PARD3B: variants seen among roughly 807,000 people sequenced by gnomAD.
The protein encoded by PARD3B is partitioning defective 3 homolog B.
In PARD3B, 103 loss-of-function variants were observed where a neutral mutation model predicts 130.2. The ratio of observed to expected loss-of-function variants is 0.79; its 90% CI spans 0.67 to 0.93. PARD3B has a LOEUF of 0.93. PARD3B is among the 40% of genes least tolerant of loss of function. The pLI, the probability that PARD3B is intolerant of heterozygous loss-of-function variation, is 0.00. For missense variants in PARD3B, 1,609 were observed against 1,499.2 expected, an observed-to-expected ratio of 1.07 and a Z score of -1.21; for synonymous variants, 583 against 553.2, an observed-to-expected ratio of 1.05 and a Z score of -0.76.
At position 205,106,481 on chromosome 2, in the gene PARD3B, ATGTGTGTGTGTGTGTGTGTG is replaced by A. The variant is rs202186761; in HGVS notation, c.593+1997_593+2016del. Among the ~76,000 whole-genome samples the A allele has an allele frequency of 3.9e-4, 58 of 147,026 alleles. No individual in the cohort carries two copies. In the East Asian group the frequency reaches 5.8e-3, roughly 15 times the overall value. ...TATATATTCTTTAGTTAAGAAATGT[ATGTGTGTGTGTGTGTGTGTG>A]TGTGTGTGTGTGTGTGTGTGTGTGT... On this transcript the variant is annotated intron_variant, in intron 5 of 22. Transcript: ENST00000406610.
At chr2:205,054,910 C>G (rs573867556) in intron 4 of PARD3B, among the ~76,000 whole-genome samples, 2 of 152,062 alleles carry the variant, frequency 1.3e-5, no homozygotes, top group African/African-American at 4.8e-5. Context: ...TTCCCTTTAG[C>G]CTGCACTTTG....
At chr2:205,131,246 C>A (rs1560883) in intron 10 of PARD3B, among the ~76,000 whole-genome samples, 6,559 of 152,200 alleles carry the variant, frequency 0.043, 309 homozygotes, top group African/African-American at 0.12. Context: ...AATGATTTTT[C>A]TACCTAAACT....
chr2:205,128,430 A>G lies in PARD3B; in HGVS notation c.1434+2693A>G, dbSNP rs2031673006. 6.6e-6 allele frequency among the ~76,000 whole-genome samples: 1 copy of G among 152,190 alleles called. No individual in the cohort carries two copies. The highest frequency in any genetic ancestry group is 1.5e-5 in the Non-Finnish European group (1 of 68,034). On this transcript the variant is annotated intron_variant, in intron 10 of 22. Coordinates refer to ENST00000406610, the MANE Select transcript of PARD3B (RefSeq NM_001302769.2). The surrounding 1 kb of genome is among the most constrained non-coding windows in gnomAD (Gnocchi z 4.5). ...TCTGAATTCATTCCTCATCAAAGGC[A>G]ATTATATCTGGAAGTTAGCAACTGG...
At chr2:205,174,243 C>T (rs1029340663) in intron 12 of PARD3B, among the ~76,000 whole-genome samples, 2 of 152,072 alleles carry the variant, frequency 1.3e-5, no homozygotes, top group African/African-American at 2.4e-5. Context: ...ATTTGTTGCC[C>T]GCCATCAGAA....
intron 16 of PARD3B, among the ~76,000 whole-genome samples, chr2:205,260,331 G>A (rs1013723131): frequency 6.6e-6 from 1 of 152,118 alleles, no homozygotes; most frequent in African/African-American, 2.4e-5. Flanking sequence ...TGCTCAAAAA[G>A]TTCTGGATTT....
At chr2:205,519,340 G>C (rs921352384) in intron 21 of PARD3B, among the ~76,000 whole-genome samples, 1 of 152,284 alleles carries the variant, frequency 6.6e-6, no homozygotes, top group South Asian at 2.1e-4. Context: ...CAAGCTCTGA[G>C]ATTCTTTCCT....
At position 205,078,577 on chromosome 2, in the gene PARD3B, T is replaced by A. The variant is rs139270277; in HGVS notation, c.505-25849T>A. On this transcript the variant is annotated intron_variant, in intron 4 of 22. Coordinates refer to ENST00000406610, the MANE Select transcript of PARD3B (RefSeq NM_001302769.2). This position sits in a 1 kb window ranked among gnomAD's most constrained non-coding sequence, Gnocchi z 4.0. ...TTTGCTTAAATTCATGTAATTTTTT[T>A]AATCCATAGGGTAAGTGTGGAGATT... Among the ~76,000 whole-genome samples the A allele has an allele frequency of 2.0e-3, 299 of 152,358 alleles. 1 individual carries two copies. The highest frequency in any genetic ancestry group is 5.2e-3 in the Admixed American group (80 of 15,306).
intron 2 of PARD3B, among the ~76,000 whole-genome samples, chr2:204,950,683 C>T (rs1370007367): frequency 6.6e-6 from 1 of 152,194 alleles, no homozygotes; most frequent in East Asian, 1.9e-4. Flanking sequence ...CAAGACATCT[C>T]TGCATTTACC....
intron 22 of PARD3B, among the ~76,000 whole-genome samples, chr2:205,605,091 T>C (rs763292025): frequency 6.6e-6 from 1 of 152,232 alleles, no homozygotes; most frequent in Non-Finnish European, 1.5e-5. Flanking sequence ...CTGGTTATTC[T>C]GGTTAACAGC....
At chr2:204,828,953 C>T (rs1488176246) in intron 2 of PARD3B, among the ~76,000 whole-genome samples, 1 of 152,172 alleles carries the variant, frequency 6.6e-6, no homozygotes, top group African/African-American at 2.4e-5. Flanking sequence ...AGGGCCTGTG[C>T]ATTCCAGCCT....
chr2:205,216,769 T>C (rs569007877), intron 15 of PARD3B, among the ~76,000 whole-genome samples: 1 of 152,280 alleles, frequency 6.6e-6, no homozygotes, highest in South Asian at 2.1e-4. Flanking sequence ...AAAATAGCAT[T>C]AGCTACGAGC....
In PARD3B at chr2:205,269,666, C is replaced by A. The variant is rs1003768096; in HGVS notation, c.2185+23844C>A. ...TAATTTCCCACTGAACTGGAATAGTCATTTTAGCTGTCAGAAATATTTCTT... is the reference window on the plus strand; with the variant it reads ...TAATTTCCCACTGAACTGGAATAGTAATTTTAGCTGTCAGAAATATTTCTT... On this transcript the variant is annotated intron_variant, in intron 16 of 22. Transcript: ENST00000406610. This position sits in a 1 kb window ranked among gnomAD's most constrained non-coding sequence, Gnocchi z 4.7. Among the ~76,000 whole-genome samples, 1 of 152,158 alleles carries A rather than the reference C, an allele frequency of 6.6e-6. No individual in the cohort carries two copies. Among genetic ancestry groups the A allele is most frequent in the Admixed American group, 6.6e-5 (1 of 15,262 alleles).
At chr2:204,935,927 C>T (rs1688419054) in intron 2 of PARD3B, among the ~76,000 whole-genome samples, 1 of 152,080 alleles carries the variant, frequency 6.6e-6, no homozygotes, top group Non-Finnish European at 1.5e-5. Context: ...AGAAAGCCCA[C>T]CTAAAAACAA....
intron 21 of PARD3B, among the ~76,000 whole-genome samples, chr2:205,511,214 C>T (rs999651132): frequency 7.9e-5 from 12 of 152,290 alleles, no homozygotes; most frequent in South Asian, 4.1e-4. Flanking sequence ...TATCAGTCCT[C>T]TTTCAAAGTC....
At chr2:205,383,955 A>T (rs1023218091) in intron 18 of PARD3B, among the ~76,000 whole-genome samples, 1 of 152,066 alleles carries the variant, frequency 6.6e-6, no homozygotes, top group African/African-American at 2.4e-5. Flanking sequence ...GTTTATATTT[A>T]TAAAATTGCC....
At chr2:204,573,657 T>C (rs2032113756) in intron 1 of PARD3B, among the ~76,000 whole-genome samples, 1 of 152,210 alleles carries the variant, frequency 6.6e-6, no homozygotes, top group Admixed American at 6.5e-5. Flanking sequence ...TTTCTCCTCG[T>C]TGTGATTGGT....
intron 21 of PARD3B, among the ~76,000 whole-genome samples, chr2:205,540,484 G>T (rs1247357549): frequency 6.6e-6 from 1 of 151,984 alleles, no homozygotes; most frequent in African/African-American, 2.4e-5. Flanking sequence ...AATTCATATG[G>T]TTCAATGCTA....
chr2:205,308,755 C>A (rs973792545), intron 18 of PARD3B, among the ~76,000 whole-genome samples: 1 of 152,088 alleles, frequency 6.6e-6, no homozygotes. Flanking sequence ...CCCATCAGCT[C>A]GAGGGAATCA....
At chr2:204,746,654 C>G (rs1218580583) in intron 2 of PARD3B, among the ~76,000 whole-genome samples, 2 of 152,098 alleles carry the variant, frequency 1.3e-5, no homozygotes, top group African/African-American at 2.4e-5. Context: ...TGTTTCCTGA[C>G]TTTTTAATGA....
Sources: gnomAD v4.1 joint callset for allele counts (sites outside exome capture counted in the v4.1 genomes callset) on GRCh38, gnomAD v4.1.1 for gene constraint, Gnocchi (gnomAD v3.1) non-coding constraint, MANE v1.5 for transcripts, NCBI Gene and HGNC (gene_info 2026-07-23, HGNC 2026-07-21) for gene names.